ASAP3: variants seen among roughly 807,000 people sequenced by gnomAD.
ASAP3 encodes the protein ArfGAP with SH3 domain, ankyrin repeat and PH domain 3.
A neutral mutation model predicts 118.2 loss-of-function variants in ASAP3; 85 were observed. The observed-to-expected ratio is 0.72, with a 90% CI of 0.60 to 0.86. The LOEUF (loss-of-function observed/expected upper bound fraction) is 0.86, where lower values mean the gene tolerates loss of function less well. Ranked by LOEUF, ASAP3 falls within the 40% of genes least tolerant of loss-of-function variation. The pLI is 0.00. For synonymous variants in ASAP3, 432 were observed against 477.4 expected (o/e 0.90, Z 1.24); for missense variants, 1,026 against 1,175.0 (o/e 0.87, Z 1.85).
chr1:23,433,685 C>T lies in ASAP3; in HGVS notation c.1960G>A (p.Ala654Thr). The T allele has an allele frequency of 6.2e-7, 1 of 1,614,204 alleles. No individual in the cohort carries two copies. The highest frequency in any genetic ancestry group is 8.5e-7 in the Non-Finnish European group (1 of 1,180,048). Residue 654 changes from alanine to threonine, a missense_variant, in exon 20 of 25, where the codon GCA becomes ACA. Ala to Thr is a moderately conservative substitution (Grantham distance 58). Coordinates refer to ENST00000336689, the MANE Select transcript of ASAP3 (RefSeq NM_017707.4). ...GRALVGTVNEAGETALDIARK... is the reference protein window; with the variant it reads ...GRALVGTVNETGETALDIARK... ...GCTATGTCCAGAGCTGTCTCGCCTG[C>T]TTCATTTACTGTGAGCGGGGAAAGT...
intron 19 of ASAP3, 62 bp downstream of exon 19, chr1:23,434,192 G>C: frequency 6.6e-7 from 1 of 1,517,952 alleles, no homozygotes; most frequent in Non-Finnish European, 9.1e-7. Context: ...CGAGACCATC[G>C]GAAGTCCACA....
At chr1:23,478,203 G>A (rs1474497455) in intron 1 of ASAP3, among the ~76,000 whole-genome samples, 4 of 152,230 alleles carry the variant, frequency 2.6e-5, no homozygotes, top group Non-Finnish European at 5.9e-5. Flanking sequence ...AGTGGCTCAC[G>A]CCTGTAATCC....
At chr1:23,484,496 C>G (rs1053141606), upstream of ASAP3, 1 of 167,868 alleles carries the variant, frequency 6.0e-6, no homozygotes, top group African/African-American at 2.4e-5. Flanking sequence ...GAAACTCCTC[C>G]GCCTTCCCCC....
Position 23,456,145 on chromosome 1 carries a change from C to G in ASAP3, c.179G>C (p.Arg60Pro). The G allele has an allele frequency of 6.2e-7, 1 of 1,614,110 alleles. No homozygotes were observed. Among genetic ancestry groups the G allele is most frequent in the Non-Finnish European group, 8.5e-7 (1 of 1,180,020 alleles). ...AILQRIKKAV[R>P]AIHSSGLGHV... is the part of the protein sequence containing the mutation. ...ACCAAGGCCGGAGCTATGGATTGCCCGCACAGCCTTCTTTATTCTCTGCAG... is the reference window on the plus strand; with the variant it reads ...ACCAAGGCCGGAGCTATGGATTGCCGGCACAGCCTTCTTTATTCTCTGCAG... The change falls in exon 2 of 25, where the codon CGG becomes CCG. Residue 60 changes from arginine to proline, a missense_variant. Coordinates refer to ENST00000336689, the MANE Select transcript of ASAP3 (RefSeq NM_017707.4).
rs778010737 is a variant in ASAP3, at chr1:23,439,117, A to G, written c.1014+44T>C. 7 of 1,597,040 alleles carry G rather than the reference A, an allele frequency of 4.4e-6. No homozygotes were observed. The South Asian group carries it at 6.6e-5, about 15-fold the overall frequency. On this transcript the variant is annotated intron_variant, in intron 11 of 24. Transcript: ENST00000336689. ...TATTTGCTCAGAACACCAGAAGAAG[A>G]GGGTCCATCGTGCCCTGAGACTCCC...
intron 11 of ASAP3, 135 bp downstream of exon 11, chr1:23,439,025 TC>T: frequency 8.3e-7 from 1 of 1,198,600 alleles, no homozygotes; most frequent in Middle Eastern, 2.2e-4. Context: ...CCATCTGTCC[TC>T]CCAAACGGGT....
chr1:23,457,899 G>A (rs1641439817), intron 1 of ASAP3, among the ~76,000 whole-genome samples: 1 of 152,216 alleles, frequency 6.6e-6, no homozygotes, highest in Admixed American at 6.5e-5. Context: ...TGGTATGAGG[G>A]CTATATGTAT....
At chr1:23,456,876 G>A (rs896554980) in intron 1 of ASAP3, among the ~76,000 whole-genome samples, 1 of 152,150 alleles carries the variant, frequency 6.6e-6, no homozygotes, top group Non-Finnish European at 1.5e-5. Flanking sequence ...ATCACCACTG[G>A]GGAGAACTGG....
chr1:23,472,928 A>G lies in ASAP3; in HGVS notation c.129+11077T>C, dbSNP rs534707546. ...TTAAGTCATTTGCCCAAAGTCACAC[A>G]GCCAATAGGAATTCAAACCCAAGTC... On this transcript the variant is annotated intron_variant, in intron 1 of 24. Transcript: ENST00000336689. Among the ~76,000 whole-genome samples the G allele has an allele frequency of 7.2e-5, 11 of 152,318 alleles. No individual in the cohort carries two copies. The South Asian group carries it at 2.3e-3, about 32-fold the overall frequency.
At position 23,463,922 on chromosome 1, in the gene ASAP3, T is replaced by C. The variant is rs1248671797; in HGVS notation, c.130-7728A>G. Among the ~76,000 whole-genome samples the C allele has an allele frequency of 5.9e-5, 9 of 152,242 alleles. 4 individuals are homozygous for C. The highest frequency in any genetic ancestry group is 5.9e-4 in the Admixed American group (9 of 15,304). On this transcript the variant is annotated intron_variant, in intron 1 of 24. Transcript: ENST00000336689. ...TTAACTCACAGAATTACTGTGAGGCTTAATGAGATCACAAACATGGCAAGG... is the reference window on the plus strand; with the variant it reads ...TTAACTCACAGAATTACTGTGAGGCCTAATGAGATCACAAACATGGCAAGG...
intron 1 of ASAP3, among the ~76,000 whole-genome samples, chr1:23,457,425 A>T (rs984200176): frequency 2.0e-5 from 3 of 152,246 alleles, no homozygotes; most frequent in Admixed American, 2.0e-4. Context: ...GAGTGTTCTC[A>T]GAGGCCGGTG....
chr1:23,464,170 G>C (rs528205012), intron 1 of ASAP3, among the ~76,000 whole-genome samples: 10 of 147,356 alleles, frequency 6.8e-5, no homozygotes, highest in Non-Finnish European at 1.2e-4. Context: ...CCCCCACCCC[G>C]ATCTATACCA....
chr1:23,456,223 G>A (rs763573185), intron 1 of ASAP3, 29 bp from the exon 2 acceptor site: 36 of 1,607,896 alleles, frequency 2.2e-5, no homozygotes, highest in Non-Finnish European at 3.1e-5. Flanking sequence ...AGAGGTTCAG[G>A]GATGCCAAGC....
rs2148613191 is a variant in ASAP3 at position 23,438,866 on chromosome 1, A to G, written c.1015-32T>C. 6.2e-7 allele frequency: 1 copy of G among 1,602,134 alleles called. No individual in the cohort carries two copies. The highest frequency in any genetic ancestry group is 8.6e-7 in the Non-Finnish European group (1 of 1,169,314). On this transcript the variant is annotated intron_variant, in intron 11 of 24. Transcript: ENST00000336689. The surrounding 1 kb of genome is among the most constrained non-coding windows in gnomAD (Gnocchi z 4.9). ...GAATTTAGGGGCGGAGGATGTATGC[A>G]TTACCTCTGGCCCTCCACATTCTTT... is the stretch of plus-strand genomic sequence containing the variant.
intron 1 of ASAP3, among the ~76,000 whole-genome samples, 193 bp downstream of exon 1, chr1:23,483,812 G>A (rs1327179584): frequency 1.3e-5 from 2 of 152,200 alleles, no homozygotes; most frequent in Admixed American, 6.5e-5. Flanking sequence ...CCCCAAAACG[G>A]TCCCTCGGGC....
rs1414621361 is a variant in ASAP3, at chr1:23,456,185, C to T, written c.139G>A (p.Gly47Arg). Residue 47 changes from glycine to arginine, a missense_variant, in exon 2 of 25, where the codon GGA becomes AGA. Physicochemically the swap from Gly to Arg is moderately radical, Grantham distance 125. Coordinates refer to ENST00000336689, the MANE Select transcript of ASAP3 (RefSeq NM_017707.4). ...ATTCTCTGCAGGATGGCTTGGTCTC[C>T]TTCCAAGATCTGGAAGCAAATGTGG... is the stretch of plus-strand genomic sequence containing the variant. ...AALAREEILE[G>R]DQAILQRIKK... 1.9e-6 allele frequency: 3 copies of T among 1,614,066 alleles called. No individual in the cohort carries two copies. Among genetic ancestry groups the T allele is most frequent in the Non-Finnish European group, 1.7e-6 (2 of 1,179,986 alleles).
chr1:23,465,489 TTTTC>T (rs1247563364), intron 1 of ASAP3, among the ~76,000 whole-genome samples: 1 of 152,034 alleles, frequency 6.6e-6, no homozygotes, highest in Non-Finnish European at 1.5e-5. Flanking sequence ...CTGTAACTTT[TTTTC>T]TTTTTTTTCT....
In ASAP3 at chr1:23,473,974, C is replaced by CTTTTTTTTTTTTTTTT. The variant is rs10664798; in HGVS notation, c.129+10015_129+10030dup. Among the ~76,000 whole-genome samples the CTTTTTTTTTTTTTTTT allele has an allele frequency of 2.0e-3, 141 of 72,106 alleles. 17 individuals are homozygous for CTTTTTTTTTTTTTTTT. The highest frequency in any genetic ancestry group is 9.0e-3 in the African/African-American group (132 of 14,714). The allele number at this position is 72,106 out of a possible 152,430, so 47.3% of individuals were successfully genotyped here. On this transcript the variant is annotated intron_variant, in intron 1 of 24. Coordinates refer to ENST00000336689, the MANE Select transcript of ASAP3 (RefSeq NM_017707.4). ...AGGCGAAAATGGCATTAAATCTGCTCTTTTTTTTTTTTTTTTTTTTTTTTG... is the reference window on the plus strand; with the variant it reads ...AGGCGAAAATGGCATTAAATCTGCTCTTTTTTTTTTTTTTTTTTTTTTTTTTTTTTTTTTTTTTTTG...
chr1:23,449,297 T>G (rs951843359), intron 5 of ASAP3, among the ~76,000 whole-genome samples: 1 of 152,158 alleles, frequency 6.6e-6, no homozygotes, highest in Non-Finnish European at 1.5e-5. Flanking sequence ...CATCGCCGCA[T>G]TGACCCTGAA....
Sources: gnomAD v4.1 joint callset for allele counts (sites outside exome capture counted in the v4.1 genomes callset) on GRCh38, gnomAD v4.1.1 for gene constraint, Gnocchi (gnomAD v3.1) non-coding constraint, MANE v1.5 for transcripts, NCBI Gene and HGNC (gene_info 2026-07-23, HGNC 2026-07-21) for gene names.